PDSS2: variants seen among roughly 807,000 people sequenced by gnomAD.
PDSS2 encodes all trans-polyprenyl-diphosphate synthase PDSS2.
In PDSS2, 31 loss-of-function variants were observed where a neutral mutation model predicts 44.5. That is an observed-to-expected ratio of 0.70 (90% CI 0.52 to 0.94). PDSS2 has a LOEUF of 0.94. Among genes scored for constraint, PDSS2 ranks in the 40% least tolerant of loss-of-function variants. PDSS2 has a pLI of 0.00. For missense variants in PDSS2, 452 were observed against 482.2 expected, an observed-to-expected ratio of 0.94 and a Z score of 0.59; for synonymous variants, 157 against 180.3, an observed-to-expected ratio of 0.87 and a Z score of 1.03.
chr6:107,239,930 C>T (rs966191838), intron 4 of PDSS2, among the ~76,000 whole-genome samples: 3 of 152,050 alleles, frequency 2.0e-5, no homozygotes, highest in African/African-American at 7.2e-5. Flanking sequence ...GCGTGAGCCA[C>T]CGTGCCTGGC....
chr6:107,420,345 A>C (rs1306469453), intron 1 of PDSS2, among the ~76,000 whole-genome samples: 3 of 152,214 alleles, frequency 2.0e-5, no homozygotes, highest in Non-Finnish European at 4.4e-5. Context: ...CGACTACCAC[A>C]ACTATGATAG....
rs768899441 is a variant in PDSS2 at position 107,459,008 on chromosome 6, G to A, written c.278C>T (p.Pro93Leu). ...QVRKLVGTQH[P>L]LLTTARGLVH... ...AGCTCACCTGGCTGTGGTAAGCAGA[G>A]GGTGCTGAGTGCCCACCAGCTTCCG... is the stretch of plus-strand genomic sequence containing the variant. The change falls in exon 1 of 8, where the codon CCT (proline) becomes CTT (leucine). Residue 93 changes from proline (P) to leucine (L), a missense_variant. By Grantham distance (98) the Pro-to-Leu change is moderately conservative (BLOSUM62 -3). Transcript: ENST00000369037. The surrounding 1 kb of genome is among the most constrained non-coding windows in gnomAD (Gnocchi z 4.3). The A allele has an allele frequency of 1.2e-6, 2 of 1,614,088 alleles. No homozygotes were observed. Among genetic ancestry groups the A allele is most frequent in the Middle Eastern group, 1.6e-4 (1 of 6,062 alleles).
At position 107,207,978 on chromosome 6, in the gene PDSS2, GTTT is replaced by G. The variant is rs756043067; in HGVS notation, c.1008+2458_1008+2460del. Among the ~76,000 whole-genome samples, 10 of 67,554 alleles carry G rather than the reference GTTT, an allele frequency of 1.5e-4. No individual in the cohort carries two copies. The South Asian group carries it at 2.6e-3, about 18-fold the overall frequency. 44.3% of individuals were successfully genotyped at this position (67,554 alleles called of 152,430 possible). A position where few individuals can be genotyped will look rare whatever the true frequency, so the allele number is the denominator to read the frequency against. On this transcript the variant is annotated intron_variant, in intron 6 of 7. Coordinates refer to ENST00000369037, the MANE Select transcript of PDSS2 (RefSeq NM_020381.4). ...TTTTAGTTTTCTCTGTCTATGACTT[GTTT>G]TTTTTTTTTTTTTTTTTTTTATGAA...
chr6:107,209,978 C>T lies in PDSS2; in HGVS notation c.1008+461G>A, dbSNP rs570617536. ...CTCCCACTTCGCCATGCTTTTTTCC[C>T]CCCCGCTTTGATAATGCCTCAGAAC... On this transcript the variant is annotated intron_variant, in intron 6 of 7. Transcript: ENST00000369037. 5.3e-5 allele frequency among the ~76,000 whole-genome samples: 8 copies of T among 152,078 alleles called. No individual in the cohort carries two copies. In the South Asian group the frequency reaches 1.7e-3, roughly 32 times the overall value.
intron 1 of PDSS2, among the ~76,000 whole-genome samples, chr6:107,430,661 T>C (rs1781166334): frequency 1.3e-5 from 2 of 151,892 alleles, no homozygotes; most frequent in South Asian, 4.2e-4. Context: ...ATACAAAAAT[T>C]AGCCAAGCGT....
At position 107,200,031 on chromosome 6, in the gene PDSS2, A is replaced by G. The variant is rs529757014; in HGVS notation, c.1009-6177T>C. On this transcript the variant is annotated intron_variant, in intron 6 of 7. Transcript: ENST00000369037. ...AAATTAACCAACAAAAGGCTAGGAC[A>G]GAGAAGAATTAGTGTAATTAAGTGC... is the stretch of plus-strand genomic sequence containing the variant. 3.3e-5 allele frequency among the ~76,000 whole-genome samples: 5 copies of G among 152,356 alleles called. No individual in the cohort carries two copies. The East Asian group carries it at 9.6e-4, about 29-fold the overall frequency.
chr6:107,205,996 G>A (rs2114598581), intron 6 of PDSS2, among the ~76,000 whole-genome samples: 1 of 152,336 alleles, frequency 6.6e-6, no homozygotes, highest in South Asian at 2.1e-4. Context: ...AATTTTAAAT[G>A]TGGTAATAAG....
At chr6:107,164,562 A>G (rs1771269152) in intron 7 of PDSS2, among the ~76,000 whole-genome samples, 1 of 152,154 alleles carries the variant, frequency 6.6e-6, no homozygotes, top group African/African-American at 2.4e-5. Context: ...AATCCAGTCT[A>G]TCATTGATGG....
At chr6:107,424,481 T>A (rs1562530138) in intron 1 of PDSS2, among the ~76,000 whole-genome samples, 1 of 152,222 alleles carries the variant, frequency 6.6e-6, no homozygotes, top group Non-Finnish European at 1.5e-5. Flanking sequence ...GTTGATCAAC[T>A]ATAACACAAG....
intron 4 of PDSS2, among the ~76,000 whole-genome samples, chr6:107,245,241 C>T (rs1774567818): frequency 6.6e-6 from 1 of 152,078 alleles, no homozygotes; most frequent in Non-Finnish European, 1.5e-5. Flanking sequence ...CGAGCTGCTC[C>T]TCCAGCCTGC....
At chr6:107,436,862 T>TA (rs113731759) in intron 1 of PDSS2, among the ~76,000 whole-genome samples, 2,766 of 152,234 alleles carry the variant, frequency 0.018, 75 homozygotes, top group East Asian at 0.12. Context: ...ATTTGTCAAT[T>TA]AAAAAAATAA....
At chr6:107,333,312 G>A (rs1382475433) in intron 2 of PDSS2, among the ~76,000 whole-genome samples, 1 of 152,084 alleles carries the variant, frequency 6.6e-6, no homozygotes, top group Non-Finnish European at 1.5e-5. Context: ...AATTATTGCT[G>A]ACATACTGTT....
intron 1 of PDSS2, among the ~76,000 whole-genome samples, chr6:107,368,690 AC>A (rs576304137): frequency 1.3e-5 from 2 of 152,002 alleles, no homozygotes. Flanking sequence ...CCCATTCTCT[AC>A]AAAAAACATA....
At chr6:107,286,828 C>G in intron 2 of PDSS2, among the ~76,000 whole-genome samples, 1 of 151,998 alleles carries the variant, frequency 6.6e-6, no homozygotes, top group African/African-American at 2.4e-5. Context: ...ATCATGAGGT[C>G]AAAAGATCGA....
At chr6:107,195,672 G>GTC (rs1772533282) in intron 6 of PDSS2, among the ~76,000 whole-genome samples, 1 of 150,040 alleles carries the variant, frequency 6.7e-6, no homozygotes, top group Admixed American at 6.7e-5. Flanking sequence ...GGATTCTCCT[G>GTC]TCTCAGCCTC....
intron 4 of PDSS2, among the ~76,000 whole-genome samples, chr6:107,240,398 CTTTTTTT>C (rs751073523): frequency 2.3e-5 from 3 of 131,016 alleles, no homozygotes; most frequent in East Asian, 2.3e-4. Context: ...GAGACCCTAC[CTTTTTTT>C]TTTTTTTTTT....
chr6:107,354,705 T>C (rs1297472004), intron 1 of PDSS2, among the ~76,000 whole-genome samples: 1 of 152,204 alleles, frequency 6.6e-6, no homozygotes, highest in East Asian at 1.9e-4. Context: ...TGGCAGTCTT[T>C]TTCACAGGCT....
chr6:107,289,166 A>T (rs1776260768), intron 2 of PDSS2, among the ~76,000 whole-genome samples: 2 of 150,932 alleles, frequency 1.3e-5, no homozygotes, highest in South Asian at 2.1e-4. Flanking sequence ...TGAGGTCAGC[A>T]GTTCGAGACC....
At chr6:107,208,771 G>A (rs925131056) in intron 6 of PDSS2, among the ~76,000 whole-genome samples, 2 of 152,018 alleles carry the variant, frequency 1.3e-5, no homozygotes, top group African/African-American at 2.4e-5. Flanking sequence ...ATGTTGGCCA[G>A]GCTGGTCTCG....
Sources: allele counts gnomAD v4.1 joint callset (sites outside exome capture counted in the v4.1 genomes callset), GRCh38; gene constraint gnomAD v4.1.1; non-coding constraint Gnocchi (gnomAD v3.1); transcripts MANE v1.5; gene names NCBI Gene and HGNC (gene_info 2026-07-23, HGNC 2026-07-21).